Variants in GRM7 observed in about 807,000 individuals in gnomAD.
The protein encoded by GRM7 is glutamate metabotropic receptor 7, also known as metabotropic glutamate receptor 7.
In GRM7, 35 loss-of-function variants were observed where a neutral mutation model predicts 84.5. The observed-to-expected ratio is 0.41, with a 90% CI of 0.32 to 0.55. The LOEUF is 0.55. Ranked by LOEUF, GRM7 falls within the 20% of genes least tolerant of loss-of-function variation. The pLI is 0.19. For synonymous variants in GRM7, 487 were observed against 455.1 expected (o/e 1.07, Z -0.89); for missense variants, 1,003 against 1,194.6 (o/e 0.84, Z 2.36).
At chr3:7,298,884 A>T (rs376715853) in intron 3 of GRM7, 59 bp downstream of exon 3, 1 of 1,430,690 alleles carries the variant, frequency 7.0e-7, no homozygotes, top group Non-Finnish European at 9.8e-7. Context: ...AGAGAGAAAG[A>T]TTAGGCTGCT....
At chr3:6,897,020 GT>G (rs1441267121) in intron 1 of GRM7, among the ~76,000 whole-genome samples, 2 of 152,212 alleles carry the variant, frequency 1.3e-5, no homozygotes, top group Non-Finnish European at 2.9e-5. Context: ...GTGTATTTCT[GT>G]TTGACAGTTA....
At chr3:7,103,337 T>C (rs1439293604) in intron 1 of GRM7, among the ~76,000 whole-genome samples, 1 of 151,796 alleles carries the variant, frequency 6.6e-6, no homozygotes, top group African/African-American at 2.4e-5. Flanking sequence ...CAAGCCTCTC[T>C]AATTTGGTAG....
intron 7 of GRM7, among the ~76,000 whole-genome samples, chr3:7,551,284 A>T (rs1693460257): frequency 6.6e-6 from 1 of 152,218 alleles, no homozygotes; most frequent in Non-Finnish European, 1.5e-5. Context: ...CCCTTATAAA[A>T]TAATGAGGTT....
intron 2 of GRM7, among the ~76,000 whole-genome samples, chr3:7,278,088 T>C (rs1055554250): frequency 6.6e-6 from 1 of 152,050 alleles, no homozygotes; most frequent in Non-Finnish European, 1.5e-5. Flanking sequence ...TCTTCTATTT[T>C]ATAGGGAGTT....
intron 1 of GRM7, among the ~76,000 whole-genome samples, chr3:6,946,757 A>G (rs938170743): frequency 2.0e-5 from 3 of 150,328 alleles, no homozygotes; most frequent in Non-Finnish European, 3.0e-5. Flanking sequence ...TTGTAGTTCT[A>G]GGTCCTTCAC....
At chr3:7,172,274 G>C (rs1695007787) in intron 2 of GRM7, among the ~76,000 whole-genome samples, 1 of 152,124 alleles carries the variant, frequency 6.6e-6, no homozygotes, top group African/African-American at 2.4e-5. Flanking sequence ...TGATGTGGTA[G>C]ACACTTAAAA....
chr3:7,581,859 AT>A (rs61185913), intron 8 of GRM7, among the ~76,000 whole-genome samples: 31 of 149,216 alleles, frequency 2.1e-4, no homozygotes, highest in Non-Finnish European at 3.4e-4. Context: ...TCTTTTCCTT[AT>A]TTTTTTTTTG....
At chr3:7,545,301 C>A (rs1693091673) in intron 7 of GRM7, among the ~76,000 whole-genome samples, 1 of 152,290 alleles carries the variant, frequency 6.6e-6, no homozygotes, top group South Asian at 2.1e-4. Context: ...ACTCTGTGTA[C>A]TCTGTACTAC....
intron 1 of GRM7, among the ~76,000 whole-genome samples, chr3:6,950,849 C>T (rs1391391615): frequency 1.3e-5 from 2 of 152,262 alleles, no homozygotes; most frequent in East Asian, 1.9e-4. Context: ...GTAGGACCCT[C>T]TGAGCCAGGT....
At chr3:7,065,628 C>T (rs920307052) in intron 1 of GRM7, among the ~76,000 whole-genome samples, 2 of 151,898 alleles carry the variant, frequency 1.3e-5, no homozygotes, top group Non-Finnish European at 2.9e-5. Context: ...TAGTGTGATT[C>T]CTCCAGATTT....
At chr3:7,683,018 C>G (rs1700440573) in intron 9 of GRM7, among the ~76,000 whole-genome samples, 1 of 152,192 alleles carries the variant, frequency 6.6e-6, no homozygotes, top group African/African-American at 2.4e-5. Flanking sequence ...CCAGGTCTGA[C>G]TCTTCAACCC....
Position 7,288,138 on chromosome 3 carries a change from A to G in GRM7, c.737-10546A>G, listed in dbSNP as rs751746292. ...CTGAATATATGTTATGCCCATTCCT[A>G]CTGACAGGATGAAGACTCAATCCTT... On this transcript the variant is annotated intron_variant, in intron 2 of 9. Transcript: ENST00000357716. 7.4e-4 allele frequency among the ~76,000 whole-genome samples: 113 copies of G among 152,176 alleles called. 1 individual carries two copies. Among genetic ancestry groups the G allele is most frequent in the Non-Finnish European group, 1.2e-3 (85 of 68,028 alleles).
At chr3:7,379,505 T>A (rs920573860) in intron 4 of GRM7, among the ~76,000 whole-genome samples, 19 of 152,304 alleles carry the variant, frequency 1.2e-4, no homozygotes, top group African/African-American at 4.1e-4. Flanking sequence ...ATGCTAACAA[T>A]AACACCTCAT....
rs1247655758 is a variant in GRM7, at chr3:6,861,736, C to G, written c.348C>G (p.Leu116=). The G allele has an allele frequency of 2.5e-6, 4 of 1,614,178 alleles. No homozygotes were observed. The highest frequency in any genetic ancestry group is 2.2e-5 in the East Asian group (1 of 44,850). Residue 116 remains leucine, a synonymous_variant, in exon 1 of 10, where the codon CTC becomes CTG. Coordinates refer to ENST00000357716, the MANE Select transcript of GRM7 (RefSeq NM_000844.4). This position sits in a 1 kb window ranked among gnomAD's most constrained non-coding sequence, Gnocchi z 6.4. The part of the protein sequence containing the change: ...LDTCSRDTYA[L]EQSLTFVQAL... ...CTTGTTCCAGGGACACTTACGCGCTCGAACAGTCGCTTACTTTCGTCCAGG... is the reference window on the plus strand; with the variant it reads ...CTTGTTCCAGGGACACTTACGCGCTGGAACAGTCGCTTACTTTCGTCCAGG...
chr3:7,712,110 C>T (rs772717581), intron 9 of GRM7, among the ~76,000 whole-genome samples: 3 of 152,146 alleles, frequency 2.0e-5, no homozygotes, highest in Non-Finnish European at 2.9e-5. Context: ...TCCTGTTCCC[C>T]GTGCCAGCGG....
chr3:7,545,856 A>G (rs1448089880), intron 7 of GRM7, among the ~76,000 whole-genome samples: 1 of 152,212 alleles, frequency 6.6e-6, no homozygotes, highest in African/African-American at 2.4e-5. Context: ...CACAATTAAA[A>G]GAAAGAATAA....
intron 4 of GRM7, among the ~76,000 whole-genome samples, chr3:7,394,691 G>A (rs6763574): frequency 1.2e-4 from 19 of 152,014 alleles, no homozygotes; most frequent in Admixed American, 1.3e-4. Flanking sequence ...CAGCAACTTC[G>A]TATTGTCTTA....
chr3:7,679,779 T>C (rs1028056247), intron 8 of GRM7, among the ~76,000 whole-genome samples: 1 of 152,214 alleles, frequency 6.6e-6, no homozygotes, highest in African/African-American at 2.4e-5. Flanking sequence ...GTCCTTCAAA[T>C]ATGATTAAAG....
chr3:7,428,169 G>T (rs1011734365), intron 5 of GRM7, among the ~76,000 whole-genome samples: 1 of 152,128 alleles, frequency 6.6e-6, no homozygotes, highest in Non-Finnish European at 1.5e-5. Flanking sequence ...ATTACTCTAG[G>T]CTTTGTGCTT....
Sources: allele counts gnomAD v4.1 joint callset (sites outside exome capture counted in the v4.1 genomes callset), GRCh38; gene constraint gnomAD v4.1.1; non-coding constraint Gnocchi (gnomAD v3.1); transcripts MANE v1.5; gene names NCBI Gene and HGNC (gene_info 2026-07-23, HGNC 2026-07-21).